SLC38A10: variants seen among roughly 807,000 people sequenced by gnomAD.
SLC38A10 encodes solute carrier family 38 member 10.
In SLC38A10, 53 loss-of-function variants were observed where a neutral mutation model predicts 81.0. That is an observed-to-expected ratio of 0.65 (90% CI 0.53 to 0.82). The LOEUF (loss-of-function observed/expected upper bound fraction) is 0.82. SLC38A10 is among the 40% of genes least tolerant of loss of function. The probability of loss-of-function intolerance (pLI) is 0.00; values close to 1 mark genes in which losing one functional copy is unlikely to be tolerated. For synonymous variants in SLC38A10, 665 were observed against 655.3 expected (o/e 1.01, Z -0.23); for missense variants, 1,471 against 1,545.0 (o/e 0.95, Z 0.80).
At chr17:81,255,853 C>T (rs545869234) in intron 11 of SLC38A10, among the ~76,000 whole-genome samples, 416 of 152,288 alleles carry the variant, frequency 2.7e-3, no homozygotes, top group Non-Finnish European at 4.0e-3. Context: ...GGTGTGGTGC[C>T]GCGCCTGTAT....
In SLC38A10 at chr17:81,281,778, A is replaced by AAAAC. The variant is rs3065408; in HGVS notation, c.501+407_501+410dup. On this transcript the variant is annotated intron_variant, in intron 5 of 15. Coordinates refer to ENST00000374759, the MANE Select transcript of SLC38A10 (RefSeq NM_001037984.3). The surrounding 1 kb of genome is among the most constrained non-coding windows in gnomAD (Gnocchi z 5.3). ...GCGACAAAGTGAGACTCCGTCTCAA[A>AAAAC]AAACAAACAAACAAACAAACAACAA... 0.47 allele frequency among the ~76,000 whole-genome samples: 70,857 copies of AAAAC among 151,270 alleles called. 19,235 individuals carry two copies. Among genetic ancestry groups the AAAAC allele is most frequent in the African/African-American group, 0.77 (31,613 of 41,030 alleles).
In SLC38A10 at chr17:81,252,659, GCCT is replaced by G; in HGVS notation, c.1478_1480del (p.Glu493del). On this transcript the variant is annotated inframe_deletion, in exon 13 of 16. Coordinates refer to ENST00000374759, the MANE Select transcript of SLC38A10 (RefSeq NM_001037984.3). ...AGGAACAGGAGGCTCGTGGCGGTGG[GCCT>G]CGCCCACAGGCACAGCAATCCCTGC... The G allele has an allele frequency of 6.2e-7, 1 of 1,607,130 alleles. No individual in the cohort carries two copies.
Position 81,276,217 on chromosome 17 carries a change from T to TGGGCA in SLC38A10, c.730-71_730-67dup. On this transcript the variant is annotated intron_variant, in intron 7 of 15. Coordinates refer to ENST00000374759, the MANE Select transcript of SLC38A10 (RefSeq NM_001037984.3). The surrounding 1 kb of genome is among the most constrained non-coding windows in gnomAD (Gnocchi z 4.7). ...CCTAGCCGAGTGGCACCTGTCACAG[T>TGGGCA]GGGCAGGGCATGGGGGGGACCTGTG... 6.8e-7 allele frequency: 1 copy of TGGGCA among 1,472,124 alleles called. No homozygotes were observed. The highest frequency in any genetic ancestry group is 9.2e-7 in the Non-Finnish European group (1 of 1,091,032). 91.2% of individuals were successfully genotyped at this position (1,472,124 alleles called of 1,614,324 possible). A position where few individuals can be genotyped will look rare whatever the true frequency, so the allele number is the denominator to read the frequency against.
rs1446158108 is a variant in SLC38A10, at chr17:81,286,597, G to A, written c.218-1702C>T. Among the ~76,000 whole-genome samples the A allele has an allele frequency of 6.6e-6, 1 of 152,202 alleles. No individual in the cohort carries two copies. The highest frequency in any genetic ancestry group is 1.5e-5 in the Non-Finnish European group (1 of 68,034). On this transcript the variant is annotated intron_variant, in intron 2 of 15. Transcript: ENST00000374759. This position sits in a 1 kb window ranked among gnomAD's most constrained non-coding sequence, Gnocchi z 6.0. Reference sequence around the variant, plus strand: ...GCTGAAGCGCCCAGCAAGGTCCCGGGGACCCAGCCCTCCCCCGAGTGTGGA... The same window carrying A: ...GCTGAAGCGCCCAGCAAGGTCCCGGAGACCCAGCCCTCCCCCGAGTGTGGA...
chr17:81,258,554 C>T (rs935426039), intron 11 of SLC38A10, among the ~76,000 whole-genome samples: 1 of 152,144 alleles, frequency 6.6e-6, no homozygotes, highest in Non-Finnish European at 1.5e-5. Context: ...TGGCTGGCAC[C>T]GAGAAGTCCA....
chr17:81,289,745 T>C lies in SLC38A10; in HGVS notation c.163A>G (p.Met55Val), dbSNP rs770651843. 6 of 1,611,106 alleles carry C rather than the reference T, an allele frequency of 3.7e-6. No individual in the cohort carries two copies. The African/African-American group carries it at 4.0e-5, about 11-fold the overall frequency. The change falls in exon 2 of 16, where the codon ATG becomes GTG. Residue 55 changes from methionine (M) to valine (V), a missense_variant. Around this residue, in one of 2 missense-constraint regions of SLC38A10, gnomAD observed 720 missense variants for 827.7 expected, o/e 0.87. Transcript: ENST00000374759. This position sits in a 1 kb window ranked among gnomAD's most constrained non-coding sequence, Gnocchi z 5.9. ...FCSWMTHQSC[M>V]FLVKSASLSK... is the part of the protein sequence containing the mutation. ...AGGCTGGCCGACTTCACCAAGAACA[T>C]GCACGACTGGTGCGTCATCCATGAG...
intron 10 of SLC38A10, chr17:81,264,071 T>C (rs1052605721): frequency 2.6e-5 from 4 of 152,226 alleles, no homozygotes; most frequent in East Asian, 1.9e-4. Flanking sequence ...GCCACTGGAG[T>C]GTGGGAATCC....
chr17:81,282,794 C>T (rs2063226725), intron 4 of SLC38A10, among the ~76,000 whole-genome samples: 1 of 152,242 alleles, frequency 6.6e-6, no homozygotes, highest in Non-Finnish European at 1.5e-5. Context: ...CTCCTTGGAA[C>T]TGTCTCTGAC....
intron 10 of SLC38A10, among the ~76,000 whole-genome samples, chr17:81,267,464 TTTCC>T (rs558420102): frequency 1.3e-5 from 2 of 152,180 alleles, no homozygotes; most frequent in African/African-American, 2.4e-5. Context: ...TGACTCTTTC[TTTCC>T]TTCCTTCCTT....
At chr17:81,273,473 A>G (rs1353394054) in intron 8 of SLC38A10, among the ~76,000 whole-genome samples, 1 of 152,180 alleles carries the variant, frequency 6.6e-6, no homozygotes, top group African/African-American at 2.4e-5. Flanking sequence ...TAAGGACCAA[A>G]TAAGTTAACA....
chr17:81,261,318 G>A (rs573015320), intron 10 of SLC38A10, among the ~76,000 whole-genome samples: 12 of 152,298 alleles, frequency 7.9e-5, no homozygotes, highest in Non-Finnish European at 1.3e-4. Flanking sequence ...CCACGGCAGC[G>A]GGTGCTGGTT....
chr17:81,260,999 T>C (rs1188285694), intron 10 of SLC38A10, among the ~76,000 whole-genome samples: 1 of 152,238 alleles, frequency 6.6e-6, no homozygotes, highest in Non-Finnish European at 1.5e-5. Flanking sequence ...GCTGGCACCA[T>C]GCATGGGCAC....
At chr17:81,273,285 C>A (rs184373965) in intron 8 of SLC38A10, among the ~76,000 whole-genome samples, 2 of 152,182 alleles carry the variant, frequency 1.3e-5, no homozygotes, top group African/African-American at 2.4e-5. Flanking sequence ...GCCTCAGACG[C>A]CACCTGCCCC....
intron 11 of SLC38A10, among the ~76,000 whole-genome samples, chr17:81,254,824 T>G (rs1388265889): frequency 6.6e-6 from 1 of 152,244 alleles, no homozygotes; most frequent in African/African-American, 2.4e-5. Flanking sequence ...ACGATTAGGC[T>G]TCGGCAGAGG....
rs956037388 is a variant in SLC38A10 at position 81,251,484 on chromosome 17, A to C, written c.2065+9T>G. On this transcript the variant is annotated intron_variant, in intron 14 of 15. Transcript: ENST00000374759. ...CCTGAGGCAGGCGGCTGTAGGGCGG[A>C]GGCCTTACCCTCCAGCTGGCTGGCC... 6 of 1,603,812 alleles carry C rather than the reference A, an allele frequency of 3.7e-6. No individual in the cohort carries two copies. The African/African-American group carries it at 6.7e-5, about 18-fold the overall frequency.
chr17:81,292,732 A>C (rs910050625), intron 1 of SLC38A10, among the ~76,000 whole-genome samples: 3 of 152,186 alleles, frequency 2.0e-5, no homozygotes, highest in African/African-American at 7.2e-5. Context: ...TGTCCACCAC[A>C]TGGCAGGTGG....
chr17:81,246,830 C>T lies in SLC38A10; in HGVS notation c.2242+55G>A, dbSNP rs776276947. ...AGCCTCAGACCCAGCCGCATGAGGACAGCAGGAGACCCCCTGCCTGGCCCC... is the reference window on the plus strand; with the variant it reads ...AGCCTCAGACCCAGCCGCATGAGGATAGCAGGAGACCCCCTGCCTGGCCCC... On this transcript the variant is annotated intron_variant, in intron 15 of 15. Transcript: ENST00000374759. 31 of 1,537,072 alleles carry T rather than the reference C, an allele frequency of 2.0e-5. No individual in the cohort carries two copies. In the South Asian group the frequency reaches 3.6e-4, roughly 18 times the overall value.
chr17:81,285,918 C>A (rs2063262664), intron 2 of SLC38A10, among the ~76,000 whole-genome samples: 1 of 152,208 alleles, frequency 6.6e-6, no homozygotes, highest in Non-Finnish European at 1.5e-5. Flanking sequence ...CCGGGAGCAG[C>A]AAAGACCCCA....
At chr17:81,294,692 C>T (rs2063334413) in intron 1 of SLC38A10, 131 bp downstream of exon 1, 3 of 741,794 alleles carry the variant, frequency 4.0e-6, no homozygotes, top group Admixed American at 8.6e-5. Context: ...CAGAGGGTCG[C>T]CCCGCCCGCG....
Sources: allele counts gnomAD v4.1 joint callset (sites outside exome capture counted in the v4.1 genomes callset), GRCh38; gene constraint gnomAD v4.1.1; regional missense constraint gnomAD v4.1.1; non-coding constraint Gnocchi (gnomAD v3.1); transcripts MANE v1.5; gene names NCBI Gene and HGNC (gene_info 2026-07-23, HGNC 2026-07-21).